MED13L: variants seen among roughly 807,000 people sequenced by gnomAD.
MED13L encodes mediator complex subunit 13L.
In MED13L, 7 loss-of-function variants were observed where a neutral mutation model predicts 220.9. The observed-to-expected ratio is 0.03, with a 90% confidence interval of 0.02 to 0.06. The LOEUF (loss-of-function observed/expected upper bound fraction) is 0.06, where lower values mean the gene tolerates loss of function less well. MED13L is among the 10% of genes least tolerant of loss of function. The pLI is 1.00. For synonymous variants in MED13L, 1,011 were observed against 1,015.2 expected (o/e 1.00, Z 0.08); for missense variants, 1,965 against 2,760.5 (o/e 0.71, Z 6.46).
At chr12:116,070,329 T>C (rs565433051) in intron 4 of MED13L, among the ~76,000 whole-genome samples, 3 of 152,306 alleles carry the variant, frequency 2.0e-5, no homozygotes, top group Admixed American at 6.5e-5. Flanking sequence ...GATGCTATCA[T>C]TTATCTCTCA....
At chr12:116,220,421 G>A (rs139674931) in intron 2 of MED13L, among the ~76,000 whole-genome samples, 26 of 152,298 alleles carry the variant, frequency 1.7e-4, no homozygotes, top group East Asian at 5.8e-4. Flanking sequence ...ACATAGGGCC[G>A]GACGTGGTGA....
intron 4 of MED13L, among the ~76,000 whole-genome samples, chr12:116,076,039 G>A (rs12822854): frequency 0.31 from 46,004 of 150,296 alleles, 8,198 homozygotes; most frequent in Non-Finnish European, 0.4. Flanking sequence ...TCAGCCTCCC[G>A]AGTAGCTGGG....
intron 1 of MED13L, among the ~76,000 whole-genome samples, chr12:116,256,665 T>G (rs1210038001): frequency 1.4e-5 from 2 of 145,600 alleles, no homozygotes; most frequent in African/African-American, 5.0e-5. Flanking sequence ...AAACAATCTC[T>G]CAAAGAAAAC....
chr12:116,160,342 T>C (rs1423150435), intron 2 of MED13L, among the ~76,000 whole-genome samples: 1 of 152,206 alleles, frequency 6.6e-6, no homozygotes, highest in Non-Finnish European at 1.5e-5. Flanking sequence ...TCAACACTAC[T>C]GAATAAACAA....
chr12:116,104,148 T>C (rs1400629077), intron 3 of MED13L, among the ~76,000 whole-genome samples: 2 of 151,892 alleles, frequency 1.3e-5, no homozygotes. Context: ...GTAGCTGGGA[T>C]TACAGGCATG....
At chr12:116,030,725 TACAA>T (rs1392324150) in intron 4 of MED13L, among the ~76,000 whole-genome samples, 1 of 152,036 alleles carries the variant, frequency 6.6e-6, no homozygotes. Flanking sequence ...AGGAAATAAC[TACAA>T]ACAAAGAAGG....
intron 4 of MED13L, among the ~76,000 whole-genome samples, chr12:116,056,871 G>C (rs1010628171): frequency 6.6e-6 from 1 of 152,188 alleles, no homozygotes; most frequent in African/African-American, 2.4e-5. Flanking sequence ...AAATTTTGCT[G>C]TGGTTTGTGA....
chr12:116,277,097 G>A lies in MED13L; in HGVS notation c.35C>T (p.Ala12Val). ...TAAANWVANG[A>V]SLEDCHSNLF... is the part of the protein sequence containing the mutation. ...GTTGGAGTGACAATCCTCCAGGCTC[G>A]CCCCGTTCGCCACCCAGTTCGCTGC... is the stretch of plus-strand genomic sequence containing the variant. The change falls in exon 1 of 31, where the codon GCG (alanine) becomes GTG (valine). Residue 12 changes from alanine (A) to valine (V), a missense_variant. Transcript: ENST00000281928. 1 of 1,590,110 alleles carries A rather than the reference G, an allele frequency of 6.3e-7. No individual in the cohort carries two copies. Among genetic ancestry groups the A allele is most frequent in the Non-Finnish European group, 8.5e-7 (1 of 1,170,172 alleles).
At chr12:116,032,024 T>C (rs758064046) in intron 4 of MED13L, among the ~76,000 whole-genome samples, 16 of 151,996 alleles carry the variant, frequency 1.1e-4, no homozygotes, top group Non-Finnish European at 1.5e-4. Flanking sequence ...CCATTAGCAA[T>C]AGCAATAAAA....
chr12:115,990,134 C>T (rs1424630729), intron 17 of MED13L, among the ~76,000 whole-genome samples: 1 of 152,188 alleles, frequency 6.6e-6, no homozygotes, highest in Non-Finnish European at 1.5e-5. Context: ...GGCCTTCCCA[C>T]TTGCAGCACC....
intron 2 of MED13L, among the ~76,000 whole-genome samples, chr12:116,151,905 C>T (rs931363383): frequency 6.6e-6 from 1 of 152,188 alleles, no homozygotes; most frequent in Non-Finnish European, 1.5e-5. Context: ...TGTATGTTTT[C>T]TCTGGTTTGT....
chr12:116,086,622 C>T (rs1871716818), intron 4 of MED13L, among the ~76,000 whole-genome samples: 2 of 152,072 alleles, frequency 1.3e-5, no homozygotes, highest in Admixed American at 6.6e-5. Context: ...TATTATACTT[C>T]AATCTTATAC....
intron 2 of MED13L, among the ~76,000 whole-genome samples, chr12:116,140,969 A>G (rs1394648488): frequency 1.3e-5 from 2 of 152,174 alleles, no homozygotes; most frequent in East Asian, 3.9e-4. Flanking sequence ...GTTTCCTTCA[A>G]CTGGTAATTA....
At chr12:115,969,132 A>T (rs772496119) in intron 27 of MED13L, 35 bp from the exon 28 acceptor site, 1 of 1,602,036 alleles carries the variant, frequency 6.2e-7, no homozygotes, top group Non-Finnish European at 8.5e-7. Flanking sequence ...CACAAAAATT[A>T]AAAAGATAGT....
chr12:116,009,160 T>C, intron 9 of MED13L, 28 bp from the exon 10 acceptor site: 2 of 1,612,942 alleles, frequency 1.2e-6, no homozygotes, highest in Non-Finnish European at 1.7e-6. Context: ...AATTACATCA[T>C]TATAACATTA....
chr12:116,073,250 C>T (rs1376506813), intron 4 of MED13L, among the ~76,000 whole-genome samples: 11 of 152,012 alleles, frequency 7.2e-5, no homozygotes, highest in South Asian at 4.1e-4. Context: ...GGCAATGCAA[C>T]GTAGCAGAAA....
At chr12:116,209,269 T>A (rs894671979) in intron 2 of MED13L, among the ~76,000 whole-genome samples, 6 of 152,196 alleles carry the variant, frequency 3.9e-5, no homozygotes, top group Admixed American at 3.9e-4. Context: ...CAGCTAGCTA[T>A]GACGTTTGAT....
intron 1 of MED13L, among the ~76,000 whole-genome samples, chr12:116,248,996 G>T (rs1871297418): frequency 6.6e-6 from 1 of 152,202 alleles, no homozygotes; most frequent in Non-Finnish European, 1.5e-5. Flanking sequence ...TGGAATTTGT[G>T]GAGACAGATC....
At chr12:116,214,117 T>C (rs1055118419) in intron 2 of MED13L, among the ~76,000 whole-genome samples, 2 of 152,234 alleles carry the variant, frequency 1.3e-5, no homozygotes, top group Admixed American at 6.5e-5. Flanking sequence ...GCTGCTCTAA[T>C]ACACTTGCTT....
Sources: allele counts gnomAD v4.1 joint callset (sites outside exome capture counted in the v4.1 genomes callset), GRCh38; gene constraint gnomAD v4.1.1; transcripts MANE v1.5; gene names NCBI Gene and HGNC (gene_info 2026-07-23, HGNC 2026-07-21).